Variants in PLA2G5 observed in about 807,000 individuals in gnomAD.
The protein encoded by PLA2G5 is phospholipase A2 group V, also known as Ca2+-dependent phospholipase A2.
Under a neutral mutation model 15.9 loss-of-function variants are expected in PLA2G5, and 12 were observed. That is an observed-to-expected ratio of 0.76 (90% confidence interval 0.48 to 1.23). The LOEUF (loss-of-function observed/expected upper bound fraction) is 1.23. Ranked by LOEUF, PLA2G5 falls within the 50% of genes most tolerant of loss-of-function variation. The pLI is 0.00. For missense variants in PLA2G5, 169 were observed against 177.1 expected, an observed-to-expected ratio of 0.95 and a Z score of 0.26; for synonymous variants, 71 against 71.4, an observed-to-expected ratio of 0.99 and a Z score of 0.03.
Position 20,090,776 on chromosome 1 carries a change from G to A in PLA2G5, c.*84G>A, listed in dbSNP as rs2016532087. The A allele has an allele frequency of 7.0e-7, 1 of 1,435,580 alleles. No homozygotes were observed. Among genetic ancestry groups the A allele is most frequent in the East Asian group, 2.3e-5 (1 of 43,884 alleles). The allele number at this position is 1,435,580 out of a possible 1,614,324, so 88.9% of individuals were successfully genotyped here. A position where few individuals can be genotyped will look rare whatever the true frequency, so the allele number is the denominator to read the frequency against. On this transcript the variant is annotated 3_prime_UTR_variant, in exon 5 of 5. Transcript: ENST00000375108. ...AGTACTGACTCTGCCTGGTTCCTGAGAGAGGCTCCTAAGTCACAGACCTCA... is the reference window on the plus strand; with the variant it reads ...AGTACTGACTCTGCCTGGTTCCTGAAAGAGGCTCCTAAGTCACAGACCTCA...
intron 1 of PLA2G5, among the ~76,000 whole-genome samples, chr1:20,083,350 T>G (rs1357479019): frequency 6.6e-6 from 1 of 150,968 alleles, no homozygotes; most frequent in Non-Finnish European, 1.5e-5. Flanking sequence ...CCCAGGGGAG[T>G]CTGAAGCATG....
At chr1:20,037,351 C>T (rs1329623165) in intron 1 of PLA2G5, among the ~76,000 whole-genome samples, 1 of 151,974 alleles carries the variant, frequency 6.6e-6, no homozygotes, top group Non-Finnish European at 1.5e-5. Context: ...TCCAGCAGAG[C>T]TCCTGGGCTG....
chr1:20,041,713 C>A (rs1213759998), intron 1 of PLA2G5, among the ~76,000 whole-genome samples: 1 of 152,132 alleles, frequency 6.6e-6, no homozygotes, highest in Non-Finnish European at 1.5e-5. Flanking sequence ...TAGAATGAGC[C>A]TGTGAGGCTG....
intron 1 of PLA2G5, among the ~76,000 whole-genome samples, chr1:20,079,827 G>C (rs748878947): frequency 7.9e-5 from 12 of 152,146 alleles, no homozygotes; most frequent in Non-Finnish European, 1.6e-4. Flanking sequence ...CTCTCTAACC[G>C]CAAGCCTGGC....
intron 2 of PLA2G5, among the ~76,000 whole-genome samples, chr1:20,085,711 C>G (rs1021426874): frequency 6.6e-6 from 1 of 152,312 alleles, no homozygotes; most frequent in Admixed American, 6.5e-5. Flanking sequence ...TACTATGTGT[C>G]TGCCACCGTG....
intron 1 of PLA2G5, among the ~76,000 whole-genome samples, chr1:20,051,540 C>A (rs1044458541): frequency 1.1e-4 from 17 of 152,134 alleles, no homozygotes; most frequent in Admixed American, 9.8e-4. Context: ...AAATTTAGAA[C>A]ATATTTGTTT....
chr1:20,029,798 G>A, intron 1 of PLA2G5, among the ~76,000 whole-genome samples: 1 of 152,200 alleles, frequency 6.6e-6, no homozygotes, highest in Admixed American at 6.5e-5. Flanking sequence ...AACCTGAATA[G>A]TTTGGTTGTT....
chr1:20,086,093 T>G lies in PLA2G5; in HGVS notation c.51T>G (p.Ala17=), dbSNP rs1204057228. The G allele has an allele frequency of 1.2e-6, 2 of 1,614,138 alleles. No individual in the cohort carries two copies. Among genetic ancestry groups the G allele is most frequent in the Non-Finnish European group, 1.7e-6 (2 of 1,179,996 alleles). ...LAWFLACSVP[A]VQGGLLDLKS... ...TGGGCTATCTTCCAGGTGTGCCTGC[T>G]GTGCAAGGAGGCTTGCTGGACCTAA... Residue 17 remains alanine (A), a synonymous_variant, in exon 3 of 5, where the codon GCT becomes GCG. Coordinates refer to ENST00000375108, the MANE Select transcript of PLA2G5 (RefSeq NM_000929.3).
At chr1:20,031,661 G>T (rs1023223231) in intron 1 of PLA2G5, among the ~76,000 whole-genome samples, 1 of 151,414 alleles carries the variant, frequency 6.6e-6, no homozygotes, top group African/African-American at 2.4e-5. Context: ...AAGAATTTTG[G>T]GGTGGGGGGT....
chr1:20,078,018 G>T (rs1040223732), intron 1 of PLA2G5, among the ~76,000 whole-genome samples: 1 of 152,146 alleles, frequency 6.6e-6, no homozygotes, highest in Non-Finnish European at 1.5e-5. Context: ...CAGAGGGCAG[G>T]TCCCACAAAC....
intron 1 of PLA2G5, among the ~76,000 whole-genome samples, chr1:20,081,481 G>A (rs537460551): frequency 2.6e-5 from 4 of 152,042 alleles, no homozygotes; most frequent in East Asian, 1.9e-4. Context: ...GTGCCAGGTC[G>A]GCAGGTCAGG....
intron 1 of PLA2G5, among the ~76,000 whole-genome samples, chr1:20,054,313 T>C (rs2014327935): frequency 6.6e-6 from 1 of 152,230 alleles, no homozygotes; most frequent in Non-Finnish European, 1.5e-5. Flanking sequence ...GGAAGGATTA[T>C]TCAAAGGTGA....
intron 1 of PLA2G5, among the ~76,000 whole-genome samples, chr1:20,048,094 G>A (rs184432399): frequency 1.5e-4 from 23 of 152,150 alleles, no homozygotes; most frequent in African/African-American, 5.3e-4. Flanking sequence ...TATGTGTTGT[G>A]TACACAATGT....
chr1:20,050,511 C>G (rs1252659113), intron 1 of PLA2G5, among the ~76,000 whole-genome samples: 1 of 152,166 alleles, frequency 6.6e-6, no homozygotes, highest in Admixed American at 6.5e-5. Flanking sequence ...GACCCTGTGT[C>G]AGACTAACAA....
intron 1 of PLA2G5, among the ~76,000 whole-genome samples, chr1:20,075,450 C>T (rs1209895886): frequency 6.6e-6 from 1 of 152,212 alleles, no homozygotes; most frequent in Non-Finnish European, 1.5e-5. Context: ...TAAACATCTA[C>T]CGTGTATCAA....
In PLA2G5 at chr1:20,090,419, C is replaced by T; in HGVS notation, c.293-149C>T. On this transcript the variant is annotated intron_variant, in intron 4 of 4. Transcript: ENST00000375108. ...CTCACCCTGAGCAGCAGCTGTGCCC[C>T]TTCCATCAGATTCTCTATTCCCCCG... is the stretch of plus-strand genomic sequence containing the variant. 12 of 778,210 alleles carry T rather than the reference C, an allele frequency of 1.5e-5. No homozygotes were observed. In the South Asian group the frequency reaches 2.0e-4, roughly 13 times the overall value. The allele number at this position is 778,210 out of a possible 1,614,324, so 48.2% of individuals were successfully genotyped here. A position where few individuals can be genotyped will look rare whatever the true frequency, so the allele number is the denominator to read the frequency against.
chr1:20,037,898 A>G (rs2013358974), intron 1 of PLA2G5, among the ~76,000 whole-genome samples: 1 of 152,112 alleles, frequency 6.6e-6, no homozygotes, highest in South Asian at 2.1e-4. Context: ...GTCTGAGCTC[A>G]GACTCTCCTT....
intron 1 of PLA2G5, among the ~76,000 whole-genome samples, chr1:20,035,844 T>C (rs967350784): frequency 5.3e-5 from 8 of 152,234 alleles, no homozygotes; most frequent in African/African-American, 1.9e-4. Context: ...GTGGGATTTA[T>C]GCTTTAAGAA....
rs780209439 is a variant in PLA2G5 at position 20,084,808 on chromosome 1, T to G, written c.-10-13T>G. On this transcript the variant is annotated splice_polypyrimidine_tract_variant and intron_variant, in intron 1 of 4. Transcript: ENST00000375108. The stretch of plus-strand genomic sequence containing the variant: ...CCTGATAGATCTGTTGTGGGATGTG[T>G]TTTTTTTTCCAGAACCCCAGAGATG... The G allele has an allele frequency of 2.8e-6, 4 of 1,432,842 alleles. No homozygotes were observed. The highest frequency in any genetic ancestry group is 1.9e-6 in the Non-Finnish European group (2 of 1,059,940). 88.8% of individuals were successfully genotyped at this position (1,432,842 alleles called of 1,614,324 possible). A position where few individuals can be genotyped will look rare whatever the true frequency, so the allele number is the denominator to read the frequency against.
Sources: gnomAD v4.1 joint callset for allele counts (sites outside exome capture counted in the v4.1 genomes callset) on GRCh38, gnomAD v4.1.1 for gene constraint, MANE v1.5 for transcripts, NCBI Gene and HGNC (gene_info 2026-07-23, HGNC 2026-07-21) for gene names.